MAD1L1: variants seen among roughly 807,000 people sequenced by gnomAD.
The protein encoded by MAD1L1 is mitotic spindle assembly checkpoint protein MAD1.
MAD1L1 carries 95 observed loss-of-function variants against 96.9 expected under a neutral mutation model. The ratio of observed to expected loss-of-function variants is 0.98; its 90% CI spans 0.83 to 1.16. The LOEUF (loss-of-function observed/expected upper bound fraction) is 1.16. Ranked by LOEUF, MAD1L1 falls within the 50% of genes most tolerant of loss-of-function variation. The pLI is 0.00. For missense variants in MAD1L1, 1,007 were observed against 954.4 expected (o/e 1.06, Z -0.73); for synonymous variants, 473 against 396.6 (o/e 1.19, Z -2.29).
At chr7:1,874,280 A>G (rs1785260788) in intron 18 of MAD1L1, among the ~76,000 whole-genome samples, 1 of 152,112 alleles carries the variant, frequency 6.6e-6, no homozygotes. Flanking sequence ...CTGGCAGACA[A>G]CCGTGTCATC....
chr7:2,048,917 A>G (rs574374135), intron 12 of MAD1L1, among the ~76,000 whole-genome samples: 1 of 152,354 alleles, frequency 6.6e-6, no homozygotes, highest in East Asian at 1.9e-4. Context: ...GACCGCGTCA[A>G]CCATGCTGCC....
At chr7:1,840,788 T>C (rs1336989675) in intron 18 of MAD1L1, among the ~76,000 whole-genome samples, 1 of 152,194 alleles carries the variant, frequency 6.6e-6, no homozygotes, top group Admixed American at 6.5e-5. Context: ...GTTCAAGGTT[T>C]TAGCGGCCTG....
chr7:2,064,208 G>A (rs1367753879), intron 12 of MAD1L1, among the ~76,000 whole-genome samples: 3 of 152,150 alleles, frequency 2.0e-5, no homozygotes, highest in South Asian at 2.1e-4. Flanking sequence ...CACAGGACAC[G>A]AAGAGCAACA....
chr7:2,031,552 A>G (rs1783227299), intron 12 of MAD1L1, among the ~76,000 whole-genome samples: 1 of 152,240 alleles, frequency 6.6e-6, no homozygotes, highest in Non-Finnish European at 1.5e-5. Context: ...TGCATTCCCC[A>G]GCATCCACCT....
At chr7:1,989,242 G>T (rs984902822) in intron 14 of MAD1L1, among the ~76,000 whole-genome samples, 1 of 152,124 alleles carries the variant, frequency 6.6e-6, no homozygotes, top group African/African-American at 2.4e-5. Flanking sequence ...TTTCACACCC[G>T]CCAGGACGGC....
At chr7:2,164,839 A>C (rs1790347673) in intron 10 of MAD1L1, among the ~76,000 whole-genome samples, 1 of 152,128 alleles carries the variant, frequency 6.6e-6, no homozygotes, top group African/African-American at 2.4e-5. Context: ...TGGCTCGCTA[A>C]GGAGGCCGAC....
intron 11 of MAD1L1, among the ~76,000 whole-genome samples, chr7:2,075,437 C>T (rs181449485): frequency 1.5e-3 from 223 of 152,288 alleles, no homozygotes; most frequent in African/African-American, 4.9e-3. Flanking sequence ...TGTTCAATCC[C>T]GGCCTTTCTT....
intron 10 of MAD1L1, among the ~76,000 whole-genome samples, chr7:2,203,895 C>T (rs1250343854): frequency 1.3e-5 from 2 of 152,188 alleles, no homozygotes; most frequent in African/African-American, 2.4e-5. Flanking sequence ...TCTGGAACAG[C>T]CCCCCAGGAA....
At chr7:2,042,387 CCTAA>C (rs778187784) in intron 12 of MAD1L1, among the ~76,000 whole-genome samples, 2 of 152,180 alleles carry the variant, frequency 1.3e-5, no homozygotes, top group Non-Finnish European at 2.9e-5. Context: ...ACACGGCATT[CCTAA>C]CTGCCACCAC....
intron 12 of MAD1L1, among the ~76,000 whole-genome samples, chr7:2,063,470 T>C (rs1181017276): frequency 6.6e-6 from 1 of 152,164 alleles, no homozygotes; most frequent in African/African-American, 2.4e-5. Flanking sequence ...ATGAGCTACA[T>C]TAACCTTGTT....
At chr7:1,887,522 T>C (rs1562491280) in intron 18 of MAD1L1, among the ~76,000 whole-genome samples, 2 of 151,358 alleles carry the variant, frequency 1.3e-5, no homozygotes, top group Non-Finnish European at 2.9e-5. Context: ...TGCCTGTGCG[T>C]GTGTGTCTGC....
chr7:1,920,929 G>C (rs1198211402), intron 17 of MAD1L1, among the ~76,000 whole-genome samples: 6 of 152,260 alleles, frequency 3.9e-5, no homozygotes, highest in African/African-American at 1.4e-4. Flanking sequence ...GACAGAAAAG[G>C]GTGCAGATTC....
intron 18 of MAD1L1, chr7:1,854,494 G>C (rs1784144806): frequency 2.5e-6 from 1 of 404,316 alleles, no homozygotes; most frequent in Admixed American, 2.9e-5. Context: ...TGGTGATGGA[G>C]CTTTCTCACT....
At chr7:1,909,191 G>C (rs1787860080) in intron 17 of MAD1L1, among the ~76,000 whole-genome samples, 1 of 152,176 alleles carries the variant, frequency 6.6e-6, no homozygotes, top group Non-Finnish European at 1.5e-5. Flanking sequence ...CTCGACGAGA[G>C]ACGACCAAGG....
rs78022344 is a variant in MAD1L1, at chr7:2,031,053, G to A, written c.1219-16411C>T. ...CGGAGGAGCCCCCAGGAGAAAAAAC[G>A]GTCCCCAGCCTTCAGCAGCATCCTC... On this transcript the variant is annotated intron_variant, in intron 12 of 18. Transcript: ENST00000265854. Among the ~76,000 whole-genome samples, 1,463 of 152,280 alleles carry A rather than the reference G, an allele frequency of 9.6e-3. 24 individuals carry two copies. Among genetic ancestry groups the A allele is most frequent in the African/African-American group, 0.033 (1,372 of 41,544 alleles).
chr7:2,220,578 C>T (rs1025244131), intron 5 of MAD1L1, among the ~76,000 whole-genome samples: 1 of 152,334 alleles, frequency 6.6e-6, no homozygotes, highest in East Asian at 1.9e-4. Flanking sequence ...ACACAGCAAA[C>T]GACCTGGGTG....
intron 18 of MAD1L1, among the ~76,000 whole-genome samples, chr7:1,878,397 T>G (rs534439411): frequency 4.3e-4 from 66 of 152,258 alleles, no homozygotes; most frequent in African/African-American, 1.5e-3. Flanking sequence ...CACAAGATCA[T>G]AGATGCAAAA....
chr7:1,987,147 C>T lies in MAD1L1; in HGVS notation c.1417-6606G>A, dbSNP rs527476660. Among the ~76,000 whole-genome samples, 19 of 152,338 alleles carry T rather than the reference C, an allele frequency of 1.2e-4. No homozygotes were observed. In the South Asian group the frequency reaches 2.1e-3, roughly 17 times the overall value. On this transcript the variant is annotated intron_variant, in intron 14 of 18. Coordinates refer to ENST00000265854, the MANE Select transcript of MAD1L1 (RefSeq NM_001013836.2). ...TGTCCTGGCAGCTCCCTCACCCCTC[C>T]CCTGCCAGCTGGAAGTGCCCACCCC...
At chr7:2,175,696 C>T (rs1790917253) in intron 10 of MAD1L1, among the ~76,000 whole-genome samples, 1 of 152,128 alleles carries the variant, frequency 6.6e-6, no homozygotes, top group Non-Finnish European at 1.5e-5. Context: ...AAAGTAGGAG[C>T]CATGTGCAGC....
Sources: allele counts gnomAD v4.1 joint callset (sites outside exome capture counted in the v4.1 genomes callset), GRCh38; gene constraint gnomAD v4.1.1; transcripts MANE v1.5; gene names NCBI Gene and HGNC (gene_info 2026-07-23, HGNC 2026-07-21).